Variants in ZNF420 observed in about 807,000 individuals in gnomAD.
ZNF420 encodes zinc finger protein 420.
Under a neutral mutation model 44.7 loss-of-function variants are expected in ZNF420, and 31 were observed. The ratio of observed to expected loss-of-function variants is 0.69; its 90% CI spans 0.52 to 0.94. The LOEUF (loss-of-function observed/expected upper bound fraction) is 0.94. Among genes scored for constraint, ZNF420 ranks in the 40% least tolerant of loss-of-function variants. The pLI is 0.00. For synonymous variants in ZNF420, 245 were observed against 267.4 expected (o/e 0.92, Z 0.82); for missense variants, 681 against 827.9 (o/e 0.82, Z 2.18).
chr19:37,040,764 A>G (rs975287559), intron 1 of ZNF420, among the ~76,000 whole-genome samples: 3 of 152,176 alleles, frequency 2.0e-5, no homozygotes, highest in African/African-American at 7.2e-5. Context: ...GAAGATCTCC[A>G]TACTATTGTT....
At chr19:37,020,148 C>T (rs1037438472) in intron 1 of ZNF420, among the ~76,000 whole-genome samples, 5 of 146,448 alleles carry the variant, frequency 3.4e-5, no homozygotes, top group African/African-American at 5.1e-5. Context: ...ACCCGGGAGG[C>T]GGAGCTTGCA....
intron 1 of ZNF420, among the ~76,000 whole-genome samples, chr19:37,058,952 G>A (rs1278107343): frequency 6.6e-6 from 1 of 152,200 alleles, no homozygotes; most frequent in African/African-American, 2.4e-5. Flanking sequence ...CAGAGGGCTC[G>A]TGGGTCAGCG....
rs376750483 is a variant in ZNF420 at position 37,127,399 on chromosome 19, G to T, written c.408G>T (p.Glu136Asp). Reference sequence around the variant, plus strand: ...AACATTCAAGATGTCATTCTACTGAGAAACCCTATAAATGTAAGGAATGTG... The same window carrying T: ...AACATTCAAGATGTCATTCTACTGATAAACCCTATAAATGTAAGGAATGTG... The part of the protein sequence containing the change: ...LSQHSRCHST[E>D]KPYKCKECGK... Residue 136 changes from glutamate (E) to aspartate (D), a missense_variant, in exon 5 of 5, where the codon GAG (glutamate) becomes GAT (aspartate). Transcript: ENST00000337995. 15 of 1,613,820 alleles carry T rather than the reference G, an allele frequency of 9.3e-6. No homozygotes were observed. In the African/African-American group the frequency reaches 1.5e-4, roughly 16 times the overall value.
intron 1 of ZNF420, among the ~76,000 whole-genome samples, chr19:37,013,432 C>G (rs1454883646): frequency 2.0e-5 from 3 of 152,146 alleles, no homozygotes; most frequent in Non-Finnish European, 4.4e-5. Context: ...GCAGTGCATC[C>G]GTGTCAAAGC....
chr19:37,056,358 C>T (rs1568431878), intron 1 of ZNF420, among the ~76,000 whole-genome samples: 1 of 152,178 alleles, frequency 6.6e-6, no homozygotes, highest in Non-Finnish European at 1.5e-5. Flanking sequence ...CCACCAGGCA[C>T]ATGCCTGGAC....
chr19:37,033,142 TAATC>T (rs969747499), intron 1 of ZNF420, among the ~76,000 whole-genome samples: 1 of 152,230 alleles, frequency 6.6e-6, no homozygotes, highest in African/African-American at 2.4e-5. Context: ...TACTTTTAAT[TAATC>T]TTTCTAAAGC....
chr19:37,061,735 A>G (rs888727950), intron 1 of ZNF420, among the ~76,000 whole-genome samples: 1 of 152,232 alleles, frequency 6.6e-6, no homozygotes, highest in Non-Finnish European at 1.5e-5. Flanking sequence ...GAATGTAAAA[A>G]TAAGGGAAAA....
At chr19:37,091,236 G>C in intron 4 of ZNF420, 115 bp downstream of exon 4, 1 of 1,137,120 alleles carries the variant, frequency 8.8e-7, no homozygotes. Context: ...CTTTTCAAAG[G>C]AGGAGTTTGA....
chr19:37,014,774 A>G (rs1393163243), intron 1 of ZNF420, among the ~76,000 whole-genome samples: 1 of 152,182 alleles, frequency 6.6e-6, no homozygotes, highest in Non-Finnish European at 1.5e-5. Flanking sequence ...GGCTTGGCAG[A>G]TCAGGAGCCC....
intron 1 of ZNF420, among the ~76,000 whole-genome samples, chr19:37,072,545 C>G (rs1375671857): frequency 6.6e-6 from 1 of 152,202 alleles, no homozygotes; most frequent in African/African-American, 2.4e-5. Flanking sequence ...AATAATCTCT[C>G]TGAATTCAGT....
intron 4 of ZNF420, among the ~76,000 whole-genome samples, chr19:37,118,359 C>G (rs1457596032): frequency 6.6e-6 from 1 of 152,124 alleles, no homozygotes; most frequent in Non-Finnish European, 1.5e-5. Context: ...ATTTCATATC[C>G]AGCCAAACTA....
intron 4 of ZNF420, among the ~76,000 whole-genome samples, chr19:37,105,156 A>C (rs1970004059): frequency 6.6e-6 from 1 of 152,290 alleles, no homozygotes; most frequent in South Asian, 2.1e-4. Flanking sequence ...TCTTTAATCC[A>C]TCTTGAATTA....
At chr19:37,125,057 C>T (rs868381833) in intron 4 of ZNF420, among the ~76,000 whole-genome samples, 6 of 152,126 alleles carry the variant, frequency 3.9e-5, no homozygotes, top group Admixed American at 2.0e-4. Context: ...AGGTTGGTCT[C>T]GAACTCCTGA....
chr19:37,120,725 C>G (rs1038057968), intron 4 of ZNF420, among the ~76,000 whole-genome samples: 1 of 152,176 alleles, frequency 6.6e-6, no homozygotes, highest in Non-Finnish European at 1.5e-5. Context: ...CTAGAAAACC[C>G]CATTGTCTCA....
upstream of ZNF420, among the ~76,000 whole-genome samples, chr19:37,077,634 G>C (rs17239026): frequency 6.2e-3 from 943 of 152,180 alleles, 28 homozygotes; most frequent in East Asian, 0.05. Context: ...CTTGGCCATA[G>C]TATTTTCACT....
At chr19:37,019,125 G>C (rs903465207) in intron 1 of ZNF420, among the ~76,000 whole-genome samples, 1 of 152,118 alleles carries the variant, frequency 6.6e-6, no homozygotes, top group African/African-American at 2.4e-5. Context: ...AACCTGATAA[G>C]GGATTAAGAT....
At chr19:37,072,756 A>G (rs1363883216) in intron 1 of ZNF420, among the ~76,000 whole-genome samples, 1 of 152,236 alleles carries the variant, frequency 6.6e-6, no homozygotes, top group Non-Finnish European at 1.5e-5. Context: ...GACACTATGT[A>G]ATCTTTAATA....
chr19:37,030,234 T>C (rs2254131), intron 1 of ZNF420, among the ~76,000 whole-genome samples: 3,852 of 152,278 alleles, frequency 0.025, 175 homozygotes, highest in African/African-American at 0.087. Flanking sequence ...TGATCTCTGC[T>C]CACTGCAACC....
chr19:37,041,973 C>T lies in ZNF420; in HGVS notation c.-125+33891C>T, dbSNP rs185653518. Among the ~76,000 whole-genome samples the T allele has an allele frequency of 2.2e-4, 34 of 152,188 alleles. 1 individual carries two copies. The highest frequency in any genetic ancestry group is 1.9e-3 in the Admixed American group (29 of 15,280). ...CAAGACTTTGTAGTATTCTCTCCAG[C>T]GTCTATTTTCTTTTTTCTTTTATTT... On this transcript the variant is annotated intron_variant, in intron 1 of 4. Transcript: ENST00000587029.
Sources: allele counts gnomAD v4.1 joint callset (sites outside exome capture counted in the v4.1 genomes callset), GRCh38; gene constraint gnomAD v4.1.1; transcripts MANE v1.5; gene names NCBI Gene and HGNC (gene_info 2026-07-23, HGNC 2026-07-21).